The following DNAH5 variants were observed in gnomAD, a reference collection of about 807,000 sequenced individuals.
DNAH5 encodes axonemal beta dynein heavy chain 5.
Under a neutral mutation model 518.2 loss-of-function variants are expected in DNAH5, and 372 were observed. The ratio of observed to expected loss-of-function variants is 0.72; its 90% CI spans 0.66 to 0.78. The LOEUF (loss-of-function observed/expected upper bound fraction) is 0.78. DNAH5 is among the 30% of genes least tolerant of loss of function. The probability of loss-of-function intolerance (pLI) is 0.00; values close to 1 mark genes in which losing one functional copy is unlikely to be tolerated. For synonymous variants in DNAH5, 2,039 were observed against 2,025.9 expected (o/e 1.01, Z -0.17); for missense variants, 5,523 against 5,687.0 (o/e 0.97, Z 0.93).
At chr5:13,995,292 C>T (rs1783862091) in intron 1 of DNAH5, among the ~76,000 whole-genome samples, 2 of 152,128 alleles carry the variant, frequency 1.3e-5, no homozygotes, top group Admixed American at 1.3e-4. Flanking sequence ...CCCTGATGTC[C>T]AAACCCCCAA....
At position 13,901,377 on chromosome 5, in the gene DNAH5, G is replaced by A; in HGVS notation, c.1927C>T (p.Leu643Phe). ...AGCACAGCTGGGTGCTGCTGGAAAA[G>A]CTGCATGGGCTGCTGAATCCTATGG... is the stretch of plus-strand genomic sequence containing the variant. ...LFHRIQQPMQLFQQHPAVLST... is the reference protein window; with the variant it reads ...LFHRIQQPMQFFQQHPAVLST... Residue 643 changes from leucine to phenylalanine, a missense_variant, in exon 14 of 79, where the codon CTT (leucine) becomes TTT (phenylalanine). Coordinates refer to ENST00000265104, the MANE Select transcript of DNAH5 (RefSeq NM_001369.3). The A allele has an allele frequency of 1.2e-6, 2 of 1,614,148 alleles. No individual in the cohort carries two copies. The highest frequency in any genetic ancestry group is 1.7e-6 in the Non-Finnish European group (2 of 1,180,014).
rs541712038 is a variant in DNAH5, at chr5:13,810,018, C to T, written c.7609+41G>A. On this transcript the variant is annotated intron_variant, in intron 45 of 78. Transcript: ENST00000265104. ...TAAATATTGGCCATGTAGGAAAGAACGGCCCCCATGGGTTCCGTCTGGACG... is the reference window on the plus strand; with the variant it reads ...TAAATATTGGCCATGTAGGAAAGAATGGCCCCCATGGGTTCCGTCTGGACG... 6.5e-6 allele frequency: 10 copies of T among 1,530,734 alleles called. No individual in the cohort carries two copies. The East Asian group carries it at 1.5e-4, about 23-fold the overall frequency. 94.8% of individuals were successfully genotyped at this position (1,530,734 alleles called of 1,614,324 possible). A position where few individuals can be genotyped will look rare whatever the true frequency, so the allele number is the denominator to read the frequency against.
upstream of DNAH5, among the ~76,000 whole-genome samples, chr5:13,946,684 A>C (rs1779952212): frequency 6.6e-6 from 1 of 152,138 alleles, no homozygotes; most frequent in Admixed American, 6.5e-5. Flanking sequence ...CGGATAGTAC[A>C]CCCTTCCAGG....
intron 69 of DNAH5, among the ~76,000 whole-genome samples, chr5:13,728,315 T>C (rs76459499): frequency 6.6e-6 from 1 of 152,128 alleles, no homozygotes; most frequent in African/African-American, 2.4e-5. Context: ...AACAAACAAA[T>C]AATGTCTACA....
intron 1 of DNAH5, among the ~76,000 whole-genome samples, chr5:14,001,566 T>C (rs1274744766): frequency 2.0e-5 from 3 of 151,946 alleles, no homozygotes; most frequent in Non-Finnish European, 4.4e-5. Context: ...GGTTTCACTG[T>C]GTTAGCCAGA....
At chr5:13,864,684 A>G in intron 27 of DNAH5, 47 bp from the exon 28 acceptor site, 1 of 1,605,252 alleles carries the variant, frequency 6.2e-7, no homozygotes, top group Non-Finnish European at 8.5e-7. Context: ...ATGATGGTAG[A>G]CATCACTGGA....
intron 1 of DNAH5, among the ~76,000 whole-genome samples, chr5:13,960,154 T>C (rs1781074008): frequency 6.6e-6 from 1 of 151,668 alleles, no homozygotes; most frequent in Non-Finnish European, 1.5e-5. Context: ...TGATTTAGCA[T>C]GCTGCAAAAG....
At chr5:13,981,540 G>A (rs1318852218) in intron 1 of DNAH5, among the ~76,000 whole-genome samples, 4 of 152,138 alleles carry the variant, frequency 2.6e-5, no homozygotes, top group Admixed American at 6.5e-5. Flanking sequence ...TGGATTTTTT[G>A]ATGTGGCACT....
chr5:13,786,076 T>G, intron 52 of DNAH5, 103 bp downstream of exon 52: 3 of 1,208,672 alleles, frequency 2.5e-6, no homozygotes, highest in Non-Finnish European at 3.6e-6. Context: ...AATTTTAAAC[T>G]GAAGATTCTC....
chr5:13,914,730 T>C, intron 9 of DNAH5, 88 bp from the exon 10 acceptor site: 1 of 1,330,454 alleles, frequency 7.5e-7, no homozygotes, highest in South Asian at 1.2e-5. Context: ...CTTCTACTTC[T>C]CAGAGTTCAC....
chr5:13,985,754 C>T (rs977172394), intron 1 of DNAH5, among the ~76,000 whole-genome samples: 4 of 152,100 alleles, frequency 2.6e-5, no homozygotes, highest in Non-Finnish European at 5.9e-5. Context: ...GTGGGTAGAA[C>T]TTGGTATAAA....
chr5:13,854,701 A>T (rs931942903), intron 30 of DNAH5, among the ~76,000 whole-genome samples: 1 of 152,192 alleles, frequency 6.6e-6, no homozygotes, highest in African/African-American at 2.4e-5. Context: ...AAGCAAAGAA[A>T]AAGCAGGGGT....
At chr5:13,786,459 T>G in intron 51 of DNAH5, 108 bp from the exon 52 acceptor site, 3 of 1,157,296 alleles carry the variant, frequency 2.6e-6, no homozygotes, top group Non-Finnish European at 2.5e-6. Context: ...ATAACATTCA[T>G]TTTAAGCTAA....
rs749091766 is a variant in DNAH5, at chr5:13,922,356, T to A, written c.439-28A>T. 10 of 1,590,158 alleles carry A rather than the reference T, an allele frequency of 6.3e-6. No individual in the cohort carries two copies. In the African/African-American group the frequency reaches 1.3e-4, roughly 21 times the overall value. On this transcript the variant is annotated intron_variant, in intron 4 of 78. Transcript: ENST00000265104. Reference sequence around the variant, plus strand: ...GGAAAACAGGCAGGAGATCTTTTATTGTAAAAATCATCCTCAAATGCAACA... The same window carrying A: ...GGAAAACAGGCAGGAGATCTTTTATAGTAAAAATCATCCTCAAATGCAACA...
At position 13,962,368 on chromosome 5, in the gene DNAH5, A is replaced by G. The variant is rs74792594; in HGVS notation, c.13-31124T>C. On this transcript the variant is annotated intron_variant, in intron 1 of 78. Transcript: ENST00000681290. ...TCATGTTTTGATACCTTAGAAAACA[A>G]TAAGTTTCTCATAAAACATTCAATA... Among the ~76,000 whole-genome samples the G allele has an allele frequency of 5.9e-4, 90 of 152,378 alleles. No homozygotes were observed. In the East Asian group the frequency reaches 9.0e-3, roughly 15 times the overall value.
In DNAH5 at chr5:13,735,887, C is replaced by T. The variant is rs139914691; in HGVS notation, c.11501G>A (p.Arg3834His). 7.4e-6 allele frequency: 12 copies of T among 1,613,938 alleles called. No homozygotes were observed. Among genetic ancestry groups the T allele is most frequent in the African/African-American group, 5.3e-5 (4 of 74,890 alleles). ...SILYFLITEMRLVNEMYQTSL... is the reference protein window; with the variant it reads ...SILYFLITEMHLVNEMYQTSL... ...AGTCTGATACATCTCATTAACCAAG[C>T]GCATCTCAGTAATGAGGAAGTAGAG... Residue 3834 changes from arginine to histidine, a missense_variant, in exon 67 of 79, where the codon CGC becomes CAC. Physicochemically the swap from Arg to His is conservative, Grantham distance 29 (BLOSUM62 0). Transcript: ENST00000265104.
At chr5:13,926,663 C>T (rs1580925971) in intron 3 of DNAH5, among the ~76,000 whole-genome samples, 1 of 149,068 alleles carries the variant, frequency 6.7e-6, no homozygotes, top group African/African-American at 2.5e-5. Flanking sequence ...AGGAAAGTCA[C>T]AGGATTGCTT....
intron 1 of DNAH5, among the ~76,000 whole-genome samples, chr5:13,995,721 T>C (rs1226205760): frequency 3.3e-5 from 5 of 152,206 alleles, no homozygotes; most frequent in Non-Finnish European, 1.5e-5. Flanking sequence ...TACATATAGA[T>C]GATATAGATA....
At chr5:13,774,699 A>G (rs1753828214) in intron 55 of DNAH5, among the ~76,000 whole-genome samples, 1 of 152,212 alleles carries the variant, frequency 6.6e-6, no homozygotes, top group Non-Finnish European at 1.5e-5. Context: ...GGATAAAGAA[A>G]GGAAAGTTTC....
Sources: gnomAD v4.1 joint callset for allele counts (sites outside exome capture counted in the v4.1 genomes callset) on GRCh38, gnomAD v4.1.1 for gene constraint, MANE v1.5 for transcripts, NCBI Gene and HGNC (gene_info 2026-07-23, HGNC 2026-07-21) for gene names.